Variants in KDF1 observed in about 807,000 individuals in gnomAD.
KDF1 encodes the protein RP11-344H11.3.
Under a neutral mutation model 31.6 loss-of-function variants are expected in KDF1, and 11 were observed. The observed-to-expected ratio is 0.35, with a 90% CI of 0.22 to 0.58. The LOEUF (loss-of-function observed/expected upper bound fraction) is 0.58, where lower values mean the gene tolerates loss of function less well. Ranked by LOEUF, KDF1 falls within the 20% of genes least tolerant of loss-of-function variation. The pLI, the probability that KDF1 is intolerant of heterozygous loss-of-function variation, is 0.83. For synonymous variants in KDF1, 205 were observed against 214.4 expected (o/e 0.96, Z 0.38); for missense variants, 476 against 549.1 (o/e 0.87, Z 1.33).
chr1:26,957,237 G>C (rs1374078849), intron 1 of KDF1, among the ~76,000 whole-genome samples: 3 of 152,042 alleles, frequency 2.0e-5, no homozygotes, highest in Non-Finnish European at 4.4e-5. Context: ...GCCTGGCCTA[G>C]GATACAGTTC....
In KDF1 at chr1:26,950,067, G is replaced by A. The variant is rs776808300; in HGVS notation, c.*2C>T. ...GGGTGTGGCAGCTGGGCCTGGCAGG[G>A]GTTAGCAGTACACCTGGAGCAAGGG... On this transcript the variant is annotated 3_prime_UTR_variant, in exon 4 of 4. Transcript: ENST00000320567. This position sits in a 1 kb window ranked among gnomAD's most constrained non-coding sequence, Gnocchi z 4.0. The A allele has an allele frequency of 6.2e-7, 1 of 1,613,066 alleles. No homozygotes were observed. Among genetic ancestry groups the A allele is most frequent in the Non-Finnish European group, 8.5e-7 (1 of 1,179,114 alleles).
rs1029908828 is a variant in KDF1, at chr1:26,951,355, A to C, written c.1026T>G (p.Gly342=). ...DSGHETMVGS[G]LSQDELTVQI... is the part of the protein sequence containing the mutation. ...GCCCCCACCTACCATCCTGGCTGAG[A>C]CCTGAGCCCACCATGGTCTCATGGC... Residue 342 remains glycine, a synonymous_variant, in exon 2 of 4, where the codon GGT becomes GGG. Transcript: ENST00000320567. The surrounding 1 kb of genome is among the most constrained non-coding windows in gnomAD (Gnocchi z 5.4). 1.3e-6 allele frequency: 2 copies of C among 1,578,612 alleles called. No individual in the cohort carries two copies. Among genetic ancestry groups the C allele is most frequent in the Admixed American group, 3.5e-5 (2 of 56,960 alleles).
chr1:26,957,579 G>C (rs1256886796), intron 1 of KDF1, among the ~76,000 whole-genome samples: 2 of 152,110 alleles, frequency 1.3e-5, no homozygotes, highest in Non-Finnish European at 2.9e-5. Flanking sequence ...AAAAGACTTA[G>C]GCTCTACGTT....
chr1:26,950,699 C>T lies in KDF1; in HGVS notation c.1097G>A (p.Arg366Lys). The change falls in exon 3 of 4, where the codon AGG becomes AAG. Residue 366 changes from arginine to lysine, a missense_variant. Physicochemically the swap from Arg to Lys is conservative, Grantham distance 26. This residue lies in a region of KDF1 where 146 missense variants were observed against 216.8 expected (regional missense o/e 0.67). Transcript: ENST00000320567. This position sits in a 1 kb window ranked among gnomAD's most constrained non-coding sequence, Gnocchi z 4.0. ...GACCACACCTGGAGCTCCATAAGGC[C>T]TCAGCTTCCGGGCGATGGCATCTGC... ...TTADAIARKLRPYGAPGYPAS... is the reference protein window; with the variant it reads ...TTADAIARKLKPYGAPGYPAS... 6.2e-7 allele frequency: 1 copy of T among 1,614,152 alleles called. No individual in the cohort carries two copies. The highest frequency in any genetic ancestry group is 1.1e-5 in the South Asian group (1 of 91,086).
rs1323356420 is a variant in KDF1 at position 26,950,731 on chromosome 1, C to T, written c.1065G>A (p.Glu355=). Residue 355 remains glutamate, a synonymous_variant, in exon 3 of 4, where the codon GAG becomes GAA. Coordinates refer to ENST00000320567, the MANE Select transcript of KDF1 (RefSeq NM_152365.3). The surrounding 1 kb of genome is among the most constrained non-coding windows in gnomAD (Gnocchi z 4.0). Reference sequence around the variant, plus strand: ...TCCGGGCGATGGCATCTGCAGTCGTCTCCTGGGAGATCTGCACTGTCAGCT... The same window carrying T: ...TCCGGGCGATGGCATCTGCAGTCGTTTCCTGGGAGATCTGCACTGTCAGCT... ...QDELTVQISQ[E]TTADAIARKL... is the part of the protein sequence containing the mutation. The T allele has an allele frequency of 6.2e-7, 1 of 1,614,040 alleles. No individual in the cohort carries two copies. The highest frequency in any genetic ancestry group is 1.1e-5 in the South Asian group (1 of 91,070).
intron 1 of KDF1, among the ~76,000 whole-genome samples, chr1:26,958,560 C>T (rs2082387542): frequency 6.6e-6 from 1 of 152,070 alleles, no homozygotes; most frequent in Non-Finnish European, 1.5e-5. Context: ...ACATAATAAC[C>T]AATTAATTTT....
chr1:26,954,194 T>C (rs1401194299), intron 1 of KDF1, among the ~76,000 whole-genome samples: 1 of 151,652 alleles, frequency 6.6e-6, no homozygotes, highest in African/African-American at 2.4e-5. Flanking sequence ...ACAGGAATGA[T>C]GCTTAAATAT....
Position 26,954,151 on chromosome 1 carries a change from T to C in KDF1, c.-32-1739A>G, listed in dbSNP as rs112207048. Among the ~76,000 whole-genome samples the C allele has an allele frequency of 4.0e-3, 605 of 151,622 alleles. 5 individuals carry two copies. Among genetic ancestry groups the C allele is most frequent in the African/African-American group, 0.014 (583 of 41,306 alleles). ...AAGGTCTGGAGATGGATGGTGGCAA[T>C]AGTTGTACAACAATGTGAATGTATT... On this transcript the variant is annotated intron_variant, in intron 1 of 3. Transcript: ENST00000320567.
chr1:26,953,757 C>T (rs2082363057), intron 1 of KDF1, among the ~76,000 whole-genome samples: 5 of 152,026 alleles, frequency 3.3e-5, no homozygotes. Flanking sequence ...GAGTTCAAGA[C>T]CAGCCTGGCC....
chr1:26,954,755 C>T (rs897662907), intron 1 of KDF1, among the ~76,000 whole-genome samples: 11 of 147,884 alleles, frequency 7.4e-5, no homozygotes, highest in African/African-American at 2.5e-4. Context: ...ATCGCTTGAA[C>T]TCAGGAGGCA....
Position 26,952,207 on chromosome 1 carries a change from A to G in KDF1, c.174T>C (p.Ile58=). ...GCTCAGCAGAGCCAGAGATGAAGGT[A>G]ATGCTCTCTGGCCCATGGTGGCCAG... ...KDPGHHGPES[I]TFISGSAEPA... The change falls in exon 2 of 4, where the codon ATT becomes ATC. Residue 58 remains isoleucine, a synonymous_variant. Coordinates refer to ENST00000320567, the MANE Select transcript of KDF1 (RefSeq NM_152365.3). This position sits in a 1 kb window ranked among gnomAD's most constrained non-coding sequence, Gnocchi z 4.1. 2 of 1,612,226 alleles carry G rather than the reference A, an allele frequency of 1.2e-6. No homozygotes were observed. Among genetic ancestry groups the G allele is most frequent in the Non-Finnish European group, 1.7e-6 (2 of 1,178,984 alleles).
At chr1:26,954,328 A>G (rs1409451185) in intron 1 of KDF1, among the ~76,000 whole-genome samples, 1 of 150,096 alleles carries the variant, frequency 6.7e-6, no homozygotes, top group Non-Finnish European at 1.5e-5. Context: ...GGTTCAAGTG[A>G]TTCTCTTGCC....
Position 26,950,586 on chromosome 1 carries a change from C to T in KDF1, c.1114+96G>A. Reference sequence around the variant, plus strand: ...GGTCCCCGTCCCTTTTTGATGTCATCCTCATCACCCCAAAAGAAAGCTGGG... The same window carrying T: ...GGTCCCCGTCCCTTTTTGATGTCATTCTCATCACCCCAAAAGAAAGCTGGG... On this transcript the variant is annotated intron_variant, in intron 3 of 3. Coordinates refer to ENST00000320567, the MANE Select transcript of KDF1 (RefSeq NM_152365.3). This position sits in a 1 kb window ranked among gnomAD's most constrained non-coding sequence, Gnocchi z 4.0. 2.9e-6 allele frequency: 3 copies of T among 1,021,130 alleles called. No homozygotes were observed. The highest frequency in any genetic ancestry group is 4.6e-6 in the Non-Finnish European group (3 of 659,220). 63.3% of individuals were successfully genotyped at this position (1,021,130 alleles called of 1,614,324 possible). A position where few individuals can be genotyped will look rare whatever the true frequency, so the allele number is the denominator to read the frequency against.
At position 26,952,976 on chromosome 1, in the gene KDF1, T is replaced by C. The variant is rs1395136318; in HGVS notation, c.-32-564A>G. ...TCCAGCCTGGGCAACAGGGCGAGAC[T>C]GTGTCTCAAAAAAAAAAAAGAAAGA... On this transcript the variant is annotated intron_variant, in intron 1 of 3. Transcript: ENST00000320567. This position sits in a 1 kb window ranked among gnomAD's most constrained non-coding sequence, Gnocchi z 4.1. Among the ~76,000 whole-genome samples the C allele has an allele frequency of 6.7e-6, 1 of 150,298 alleles. No individual in the cohort carries two copies. Among genetic ancestry groups the C allele is most frequent in the African/African-American group, 2.5e-5 (1 of 40,722 alleles).
Position 26,951,538 on chromosome 1 carries a change from G to A in KDF1, c.843C>T (p.Ser281=). 6.2e-7 allele frequency: 1 copy of A among 1,612,842 alleles called. No individual in the cohort carries two copies. Among genetic ancestry groups the A allele is most frequent in the Non-Finnish European group, 8.5e-7 (1 of 1,178,972 alleles). Residue 281 remains serine, a synonymous_variant, in exon 2 of 4, where the codon AGC becomes AGT. Coordinates refer to ENST00000320567, the MANE Select transcript of KDF1 (RefSeq NM_152365.3). This position sits in a 1 kb window ranked among gnomAD's most constrained non-coding sequence, Gnocchi z 5.4. The part of the protein sequence containing the change: ...KTSKISDLIS[S]ITQDYHLDEQ... ...CATCCAGGTGGTAGTCCTGCGTGAT[G>A]CTGCTGATAAGGTCCGAGATCTTAC...
At position 26,951,724 on chromosome 1, in the gene KDF1, G is replaced by T. The variant is rs141390568; in HGVS notation, c.657C>A (p.Phe219Leu). The change falls in exon 2 of 4, where the codon TTC (phenylalanine) becomes TTA (leucine). Residue 219 changes from phenylalanine to leucine, a missense_variant. Physicochemically the swap from Phe to Leu is conservative, Grantham distance 22 (BLOSUM62 0). Coordinates refer to ENST00000320567, the MANE Select transcript of KDF1 (RefSeq NM_152365.3). The surrounding 1 kb of genome is among the most constrained non-coding windows in gnomAD (Gnocchi z 5.4). Reference sequence around the variant, plus strand: ...CCGGCAGGTCCAGGTCCGACTCATGGAAAGAATAGTACTCCTCGGAGCCAC... The same window carrying T: ...CCGGCAGGTCCAGGTCCGACTCATGTAAAGAATAGTACTCCTCGGAGCCAC... ...SPRGSEEYYS[F>L]HESDLDLPEM... The T allele has an allele frequency of 3.2e-4, 514 of 1,614,018 alleles. 4 individuals are homozygous for T. The Middle Eastern group carries it at 4.5e-3, about 14-fold the overall frequency.
In KDF1 at chr1:26,952,797, A is replaced by T. The variant is rs185533032; in HGVS notation, c.-32-385T>A. ...GGAGTTCGAGACCAACCTGACTAACATGGTGAAACTCCGTCTCTACTAAAA... is the reference window on the plus strand; with the variant it reads ...GGAGTTCGAGACCAACCTGACTAACTTGGTGAAACTCCGTCTCTACTAAAA... On this transcript the variant is annotated intron_variant, in intron 1 of 3. Coordinates refer to ENST00000320567, the MANE Select transcript of KDF1 (RefSeq NM_152365.3). The surrounding 1 kb of genome is among the most constrained non-coding windows in gnomAD (Gnocchi z 4.1). Among the ~76,000 whole-genome samples, 129 of 152,206 alleles carry T rather than the reference A, an allele frequency of 8.5e-4. No individual in the cohort carries two copies. The highest frequency in any genetic ancestry group is 7.2e-4 in the Non-Finnish European group (49 of 67,988).
rs773291830 is a variant in KDF1 at position 26,951,323 on chromosome 1, C to T, written c.1039+19G>A. 3.9e-6 allele frequency: 6 copies of T among 1,528,726 alleles called. No individual in the cohort carries two copies. The highest frequency in any genetic ancestry group is 5.3e-6 in the Non-Finnish European group (6 of 1,132,588). 94.7% of individuals were successfully genotyped at this position (1,528,726 alleles called of 1,614,324 possible). On this transcript the variant is annotated intron_variant, in intron 2 of 3. Coordinates refer to ENST00000320567, the MANE Select transcript of KDF1 (RefSeq NM_152365.3). This position sits in a 1 kb window ranked among gnomAD's most constrained non-coding sequence, Gnocchi z 5.4. ...GCCTCCCCTACTCTGCCCCTCAGCC[C>T]CATGGGGCCCCCACCTACCATCCTG...
rs1278349399 is a variant in KDF1 at position 26,950,854 on chromosome 1, C to A, written c.1040-98G>T. On this transcript the variant is annotated intron_variant, in intron 2 of 3. Transcript: ENST00000320567. The surrounding 1 kb of genome is among the most constrained non-coding windows in gnomAD (Gnocchi z 4.0). The stretch of plus-strand genomic sequence containing the variant: ...AGCCCGATGAGGGAGGAGCCACTCA[C>A]TCCTGGGCAGGGCTAGAAAAATAAT... The A allele has an allele frequency of 8.5e-6, 9 of 1,057,484 alleles. No individual in the cohort carries two copies. The highest frequency in any genetic ancestry group is 1.9e-5 in the Admixed American group (1 of 54,002). The allele number at this position is 1,057,484 out of a possible 1,614,324, so 65.5% of individuals were successfully genotyped here.
Sources: allele counts gnomAD v4.1 joint callset (sites outside exome capture counted in the v4.1 genomes callset), GRCh38; gene constraint gnomAD v4.1.1; regional missense constraint gnomAD v4.1.1; non-coding constraint Gnocchi (gnomAD v3.1); transcripts MANE v1.5; gene names NCBI Gene and HGNC (gene_info 2026-07-23, HGNC 2026-07-21).